DGKB: variants seen among roughly 807,000 people sequenced by gnomAD.
DGKB encodes 90 kDa diacylglycerol kinase.
In DGKB, 67 loss-of-function variants were observed where a neutral mutation model predicts 114.3. That is an observed-to-expected ratio of 0.59 (90% CI 0.48 to 0.72). The LOEUF is 0.72. Ranked by LOEUF, DGKB falls within the 30% of genes least tolerant of loss-of-function variation. DGKB has a pLI of 0.00. For synonymous variants in DGKB, 398 were observed against 323.1 expected, an observed-to-expected ratio of 1.23 and a Z score of -2.49; for missense variants, 907 against 975.2, an observed-to-expected ratio of 0.93 and a Z score of 0.93.
At chr7:14,931,390 G>A (rs537728441) in intron 1 of DGKB, among the ~76,000 whole-genome samples, 2 of 152,288 alleles carry the variant, frequency 1.3e-5, no homozygotes, top group Non-Finnish European at 2.9e-5. Context: ...GATTACAGGC[G>A]TGAGCCACCG....
At chr7:14,807,347 TAATA>T (rs56074377) in intron 2 of DGKB, among the ~76,000 whole-genome samples, 9,334 of 151,938 alleles carry the variant, frequency 0.061, 369 homozygotes, top group South Asian at 0.091. Context: ...CTTAAATTTT[TAATA>T]AATAAAGAAT....
rs201591364 is a variant in DGKB, at chr7:14,247,811, TTTGA to T, written c.2123-69664_2123-69661del. Reference sequence around the variant, plus strand: ...ATTTTGTAGGTTGTCTCTTTATGCCTTTGATTATTTCTTTTGCTGTGCAGAGATT... The same window carrying T: ...ATTTTGTAGGTTGTCTCTTTATGCCTTTATTTCTTTTGCTGTGCAGAGATT... On this transcript the variant is annotated intron_variant, in intron 23 of 25. Coordinates refer to ENST00000402815, the MANE Select transcript of DGKB (RefSeq NM_001350709.2). Among the ~76,000 whole-genome samples the T allele has an allele frequency of 1.6e-3, 238 of 152,184 alleles. 1 individual carries two copies. The highest frequency in any genetic ancestry group is 5.0e-3 in the East Asian group (26 of 5,190).
intron 17 of DGKB, among the ~76,000 whole-genome samples, chr7:14,590,742 C>A (rs1250392007): frequency 2.0e-5 from 3 of 152,056 alleles, no homozygotes; most frequent in Non-Finnish European, 4.4e-5. Flanking sequence ...AGAATTAACA[C>A]CACGTGGTTT....
At chr7:14,379,972 A>G (rs1357609142) in intron 21 of DGKB, among the ~76,000 whole-genome samples, 1 of 151,884 alleles carries the variant, frequency 6.6e-6, no homozygotes, top group Admixed American at 6.6e-5. Flanking sequence ...CCTCTTCTAA[A>G]TTCACTGTGA....
At chr7:14,929,660 A>G (rs918379864) in intron 1 of DGKB, among the ~76,000 whole-genome samples, 1 of 152,082 alleles carries the variant, frequency 6.6e-6, no homozygotes, top group Non-Finnish European at 1.5e-5. Context: ...ATTTTCCTCC[A>G]TTCTGCAGGC....
At chr7:14,803,703 T>C (rs6942721) in intron 2 of DGKB, among the ~76,000 whole-genome samples, 67,688 of 151,940 alleles carry the variant, frequency 0.45, 18,093 homozygotes, top group African/African-American at 0.75. Context: ...TCTTTCCTCG[T>C]TCATTTGATT....
At chr7:14,897,807 A>G (rs1194557623) in intron 1 of DGKB, among the ~76,000 whole-genome samples, 1 of 152,010 alleles carries the variant, frequency 6.6e-6, no homozygotes, top group Non-Finnish European at 1.5e-5. Flanking sequence ...TTTATTTGAA[A>G]GCCAGTTCTC....
chr7:14,892,192 C>G (rs7794545), intron 1 of DGKB, among the ~76,000 whole-genome samples: 3,222 of 151,348 alleles, frequency 0.021, 106 homozygotes, highest in African/African-American at 0.073. Flanking sequence ...CTTAGTGTAT[C>G]TCATGATTTC....
At chr7:14,510,944 C>T (rs555385737) in intron 20 of DGKB, among the ~76,000 whole-genome samples, 63 of 152,278 alleles carry the variant, frequency 4.1e-4, no homozygotes, top group African/African-American at 1.4e-3. Flanking sequence ...TAGGTCTCAA[C>T]AGTAGGATGA....
intron 1 of DGKB, among the ~76,000 whole-genome samples, chr7:14,854,792 A>C (rs1849889084): frequency 6.6e-6 from 1 of 152,118 alleles, no homozygotes; most frequent in Non-Finnish European, 1.5e-5. Context: ...TTTTCTTTTT[A>C]ATCTATAGAA....
At chr7:14,746,776 G>A (rs1020663021) in intron 4 of DGKB, among the ~76,000 whole-genome samples, 3 of 152,146 alleles carry the variant, frequency 2.0e-5, no homozygotes, top group Non-Finnish European at 4.4e-5. Flanking sequence ...TGGGATTACA[G>A]GTGTGAGCCA....
At chr7:14,437,756 C>T (rs1326453498) in intron 21 of DGKB, among the ~76,000 whole-genome samples, 1 of 150,044 alleles carries the variant, frequency 6.7e-6, no homozygotes, top group Non-Finnish European at 1.5e-5. Flanking sequence ...TCCCTACTTA[C>T]TCTATAACCC....
chr7:14,791,780 T>G (rs888246703), intron 2 of DGKB, among the ~76,000 whole-genome samples: 2 of 152,220 alleles, frequency 1.3e-5, no homozygotes, highest in Non-Finnish European at 2.9e-5. Flanking sequence ...AAACCATAAT[T>G]GGACATGACG....
intron 5 of DGKB, among the ~76,000 whole-genome samples, chr7:14,719,552 G>A (rs1436717136): frequency 6.7e-6 from 1 of 148,932 alleles, no homozygotes; most frequent in Non-Finnish European, 1.5e-5. Context: ...TAACTAATGG[G>A]TTGAGTGGCT....
At chr7:14,695,822 A>G (rs1410561756) in intron 8 of DGKB, among the ~76,000 whole-genome samples, 1 of 151,724 alleles carries the variant, frequency 6.6e-6, no homozygotes, top group Admixed American at 6.6e-5. Context: ...CTCTTTATTT[A>G]TATATGCAAA....
intron 23 of DGKB, among the ~76,000 whole-genome samples, chr7:14,268,211 CCACA>C (rs10699466): frequency 7.3e-5 from 11 of 150,182 alleles, no homozygotes; most frequent in African/African-American, 1.2e-4. Context: ...AGTCACTGTA[CCACA>C]CACACACACA....
At chr7:14,175,584 C>T (rs1781608640) in intron 25 of DGKB, among the ~76,000 whole-genome samples, 1 of 152,082 alleles carries the variant, frequency 6.6e-6, no homozygotes, top group Non-Finnish European at 1.5e-5. Context: ...AGTTGCTGCT[C>T]AATACAATCA....
intron 23 of DGKB, among the ~76,000 whole-genome samples, chr7:14,306,586 C>T (rs542952939): frequency 2.0e-5 from 3 of 151,970 alleles, no homozygotes; most frequent in Non-Finnish European, 4.4e-5. Flanking sequence ...ATAGTCCAGT[C>T]GGTACAGTAG....
rs558345878 is a variant in DGKB, at chr7:14,240,237, G to C, written c.2123-62086C>G. Among the ~76,000 whole-genome samples, 34 of 151,996 alleles carry C rather than the reference G, an allele frequency of 2.2e-4. No individual in the cohort carries two copies. The South Asian group carries it at 7.0e-3, about 32-fold the overall frequency. On this transcript the variant is annotated intron_variant, in intron 23 of 25. Coordinates refer to ENST00000402815, the MANE Select transcript of DGKB (RefSeq NM_001350709.2). Reference sequence around the variant, plus strand: ...CATTCTACGTCCCACTGTTGTAAAAGAACAACCCAGTAATCCCTCAAAGCC... The same window carrying C: ...CATTCTACGTCCCACTGTTGTAAAACAACAACCCAGTAATCCCTCAAAGCC...
Sources: allele counts gnomAD v4.1 joint callset (sites outside exome capture counted in the v4.1 genomes callset), GRCh38; gene constraint gnomAD v4.1.1; transcripts MANE v1.5; gene names NCBI Gene and HGNC (gene_info 2026-07-23, HGNC 2026-07-21).